LINGO2: variants seen among roughly 807,000 people sequenced by gnomAD.
LINGO2 encodes the protein leucine-rich repeat and immunoglobulin-like domain-containing nogo receptor-interacting protein 2.
Under a neutral mutation model 30.6 loss-of-function variants are expected in LINGO2, and 14 were observed. The ratio of observed to expected loss-of-function variants is 0.46; its 90% CI spans 0.30 to 0.72. LINGO2 has a LOEUF of 0.72. Ranked by LOEUF, LINGO2 falls within the 30% of genes least tolerant of loss-of-function variation. The probability of loss-of-function intolerance (pLI) is 0.07; values close to 1 mark genes in which losing one functional copy is unlikely to be tolerated. For synonymous variants in LINGO2, 317 were observed against 288.5 expected, an observed-to-expected ratio of 1.10 and a Z score of -1.00; for missense variants, 729 against 751.7, an observed-to-expected ratio of 0.97 and a Z score of 0.35.
intron 5 of LINGO2, among the ~76,000 whole-genome samples, chr9:27,999,455 A>C (rs1821837183): frequency 6.6e-6 from 1 of 151,742 alleles, no homozygotes; most frequent in Admixed American, 6.6e-5. Context: ...AGAGAGAGAG[A>C]GAGAGAGAGA....
At chr9:28,740,641 C>T in the LINGO2 span, among the ~76,000 whole-genome samples, 1 of 151,658 alleles carries the variant, frequency 6.6e-6, no homozygotes, top group Non-Finnish European at 1.5e-5. Context: ...ATACTAAATA[C>T]TTTAATTATT....
intron 1 of LINGO2, among the ~76,000 whole-genome samples, chr9:28,650,554 G>C (rs1463657745): frequency 6.6e-6 from 1 of 152,054 alleles, no homozygotes; most frequent in East Asian, 1.9e-4. Context: ...CCAAAGTCCT[G>C]TGGGAAGATC....
the LINGO2 span, among the ~76,000 whole-genome samples, chr9:29,125,559 AAT>A: frequency 6.6e-6 from 1 of 152,286 alleles, no homozygotes; most frequent in Non-Finnish European, 1.5e-5. Context: ...ATTGTATTTG[AAT>A]ATCTGTTACT....
chr9:28,850,517 C>A, the LINGO2 span, among the ~76,000 whole-genome samples: 16 of 151,906 alleles, frequency 1.1e-4, no homozygotes, highest in African/African-American at 3.9e-4. Context: ...GGTCCATGAA[C>A]TATGGACAAA....
At chr9:28,949,009 C>G in the LINGO2 span, among the ~76,000 whole-genome samples, 1 of 152,128 alleles carries the variant, frequency 6.6e-6, no homozygotes, top group South Asian at 2.1e-4. Flanking sequence ...CAGGTACAGA[C>G]TTTGAACAAT....
At chr9:28,587,790 C>T (rs967945053) in intron 1 of LINGO2, among the ~76,000 whole-genome samples, 1 of 151,972 alleles carries the variant, frequency 6.6e-6, no homozygotes, top group African/African-American at 2.4e-5. Context: ...TTCAGAGTTA[C>T]ATACACCACA....
At chr9:28,247,181 T>C (rs942085648) in intron 4 of LINGO2, among the ~76,000 whole-genome samples, 1 of 152,176 alleles carries the variant, frequency 6.6e-6, no homozygotes, top group African/African-American at 2.4e-5. Context: ...CCATTGTGGA[T>C]GACAGTGTGG....
chr9:28,541,806 A>G (rs891655595), intron 1 of LINGO2, among the ~76,000 whole-genome samples: 4 of 152,180 alleles, frequency 2.6e-5, no homozygotes, highest in Admixed American at 6.6e-5. Flanking sequence ...AATATGGTAA[A>G]TCAGTTTCAG....
In LINGO2 at chr9:28,035,889, C is replaced by A. The variant is rs1010987160; in HGVS notation, c.-86-23484G>T. ...ATGAAATGATAGCAGAACACACACACACAAACACACACACACACACACACA... is the reference window on the plus strand; with the variant it reads ...ATGAAATGATAGCAGAACACACACAAACAAACACACACACACACACACACA... On this transcript the variant is annotated intron_variant, in intron 4 of 5. Coordinates refer to ENST00000379992, the Ensembl canonical transcript of LINGO2. 3.8e-3 allele frequency among the ~76,000 whole-genome samples: 270 copies of A among 71,248 alleles called. 1 individual carries two copies. Among genetic ancestry groups the A allele is most frequent in the Non-Finnish European group, 7.4e-3 (221 of 29,806 alleles). 46.7% of individuals were successfully genotyped at this position (71,248 alleles called of 152,430 possible).
At chr9:27,944,377 C>G (rs1823284675), downstream of LINGO2, 1 of 152,118 alleles carries the variant, frequency 6.6e-6, no homozygotes, top group African/African-American at 2.4e-5. Context: ...GTAAAGCTGT[C>G]CTTTCCCAGC....
At position 28,274,295 on chromosome 9, in the gene LINGO2, G is replaced by A. The variant is rs72709343; in HGVS notation, c.-87+20913C>T. Among the ~76,000 whole-genome samples the A allele has an allele frequency of 6.1e-3, 927 of 152,110 alleles. 5 individuals carry two copies. The highest frequency in any genetic ancestry group is 0.024 in the Middle Eastern group (7 of 294). On this transcript the variant is annotated intron_variant, in intron 4 of 5. Transcript: ENST00000379992. The stretch of plus-strand genomic sequence containing the variant: ...TTCTATTATTCCAAGACCCATTTCT[G>A]ATAGTAATTTTAAAAAAGTAACCCA...
At chr9:29,115,584 T>C in the LINGO2 span, among the ~76,000 whole-genome samples, 1 of 141,228 alleles carries the variant, frequency 7.1e-6, no homozygotes, top group Non-Finnish European at 1.5e-5. Context: ...CTTTATTGAA[T>C]GTGTTTTTTT....
the LINGO2 span, among the ~76,000 whole-genome samples, chr9:29,008,391 G>C: frequency 2.0e-5 from 3 of 152,094 alleles, no homozygotes; most frequent in Non-Finnish European, 4.4e-5. Context: ...AAACATACAC[G>C]TGGATGTGTC....
At chr9:28,698,709 C>G in the LINGO2 span, among the ~76,000 whole-genome samples, 576 of 151,930 alleles carry the variant, frequency 3.8e-3, 3 homozygotes, top group African/African-American at 0.013. Flanking sequence ...CTCACATACC[C>G]CTTGTCCCCC....
chr9:28,878,362 A>T, the LINGO2 span, among the ~76,000 whole-genome samples: 4 of 152,158 alleles, frequency 2.6e-5, no homozygotes, highest in African/African-American at 9.7e-5. Flanking sequence ...TACCAACCAA[A>T]AAGAGTCCAG....
In LINGO2 at chr9:28,052,577, A is replaced by C. The variant is rs545658467; in HGVS notation, c.-86-40172T>G. Among the ~76,000 whole-genome samples the C allele has an allele frequency of 6.0e-4, 92 of 152,188 alleles. 2 individuals carry two copies. Among genetic ancestry groups the C allele is most frequent in the African/African-American group, 2.2e-3 (91 of 41,564 alleles). On this transcript the variant is annotated intron_variant, in intron 4 of 5. Coordinates refer to ENST00000379992, the Ensembl canonical transcript of LINGO2. Reference sequence around the variant, plus strand: ...CCAGTCCTTTACCTGGAAGCAGCAGAAACACCTGGTTTCATGGTACGCATC... The same window carrying C: ...CCAGTCCTTTACCTGGAAGCAGCAGCAACACCTGGTTTCATGGTACGCATC...
the LINGO2 span, among the ~76,000 whole-genome samples, chr9:28,891,295 G>C: frequency 2.6e-5 from 4 of 152,020 alleles, no homozygotes; most frequent in East Asian, 7.7e-4. Flanking sequence ...CTGGGACTTA[G>C]TTTTCTCATT....
rs181529571 is a variant in LINGO2 at position 28,403,481 on chromosome 9, T to C, written c.-278-30613A>G. ...GTTCTAGAAATGGTAATGTATATCA[T>C]TGGGGTGCCACCTGTCCTGCCAGGA... is the stretch of plus-strand genomic sequence containing the variant. On this transcript the variant is annotated intron_variant, in intron 2 of 5. Transcript: ENST00000379992. Among the ~76,000 whole-genome samples, 46 of 152,298 alleles carry C rather than the reference T, an allele frequency of 3.0e-4. No individual in the cohort carries two copies. The East Asian group carries it at 7.5e-3, about 25-fold the overall frequency.
In LINGO2 at chr9:28,243,341, T is replaced by A. The variant is rs145857740; in HGVS notation, c.-87+51867A>T. Among the ~76,000 whole-genome samples, 1,145 of 151,844 alleles carry A rather than the reference T, an allele frequency of 7.5e-3. 24 individuals are homozygous for A. Among genetic ancestry groups the A allele is most frequent in the African/African-American group, 0.026 (1,062 of 41,392 alleles). ...CGGGTGTGGTGGTGGGTGCCTGTAGTCCCAGCTACTCAGGAGGCTGAGGCA... is the reference window on the plus strand; with the variant it reads ...CGGGTGTGGTGGTGGGTGCCTGTAGACCCAGCTACTCAGGAGGCTGAGGCA... On this transcript the variant is annotated intron_variant, in intron 4 of 5. Coordinates refer to ENST00000379992, the Ensembl canonical transcript of LINGO2.
Sources: allele counts gnomAD v4.1 joint callset (sites outside exome capture counted in the v4.1 genomes callset), GRCh38; gene constraint gnomAD v4.1.1; transcripts MANE v1.5; gene names NCBI Gene and HGNC (gene_info 2026-07-23, HGNC 2026-07-21).